PCMT1: variants seen among roughly 807,000 people sequenced by gnomAD.
PCMT1 encodes protein-L-isoaspartate(D-aspartate) O-methyltransferase.
Under a neutral mutation model 29.2 loss-of-function variants are expected in PCMT1, and 9 were observed. The ratio of observed to expected loss-of-function variants is 0.31; its 90% CI spans 0.19 to 0.54. The LOEUF (loss-of-function observed/expected upper bound fraction) is 0.54. PCMT1 is among the 20% of genes least tolerant of loss of function. The pLI is 0.95. For synonymous variants in PCMT1, 98 were observed against 97.5 expected (o/e 1.00, Z -0.03); for missense variants, 184 against 282.2 (o/e 0.65, Z 2.49).
At chr6:149,773,082 T>G in intron 2 of PCMT1, 56 bp from the exon 3 acceptor site, 13 of 1,343,018 alleles carry the variant, frequency 9.7e-6, no homozygotes, top group Non-Finnish European at 1.3e-5. Context: ...AGAAATTATG[T>G]GAAATAGTAT....
intron 3 of PCMT1, among the ~76,000 whole-genome samples, chr6:149,778,003 G>A (rs141393725): frequency 0.012 from 1,805 of 148,594 alleles, 14 homozygotes; most frequent in Middle Eastern, 0.041. Context: ...CAGCCTCTCA[G>A]ATAGCTGGGA....
In PCMT1 at chr6:149,796,156, A is replaced by T. The variant is rs1031276994; in HGVS notation, c.419-259A>T. 9 of 295,728 alleles carry T rather than the reference A, an allele frequency of 3.0e-5. No individual in the cohort carries two copies. In the Admixed American group the frequency reaches 4.5e-4, roughly 15 times the overall value. 18.3% of individuals were successfully genotyped at this position (295,728 alleles called of 1,614,324 possible). On this transcript the variant is annotated intron_variant, in intron 5 of 7. Transcript: ENST00000464889. ...CAAAAAAAAGAGTTGTGAGATAGGA[A>T]AATGAAGCGCTTTTCATTTACTAAA...
At chr6:149,809,582 A>C (rs558349425) in intron 7 of PCMT1, among the ~76,000 whole-genome samples, 1 of 152,276 alleles carries the variant, frequency 6.6e-6, no homozygotes, top group South Asian at 2.1e-4. Flanking sequence ...TTTAGTTTAA[A>C]AAAATTGTCC....
At chr6:149,765,839 A>C in intron 1 of PCMT1, 1 of 181,124 alleles carries the variant, frequency 5.5e-6, no homozygotes, top group South Asian at 1.0e-4. Context: ...GGCGGTGGGC[A>C]TCTGTAATCC....
At chr6:149,791,059 A>T (rs1301451408) in intron 4 of PCMT1, among the ~76,000 whole-genome samples, 1 of 152,130 alleles carries the variant, frequency 6.6e-6, no homozygotes, top group Non-Finnish European at 1.5e-5. Context: ...GGTCAGGCTT[A>T]GCCCCGACAA....
At chr6:149,807,590 C>CA (rs1259285201) in intron 7 of PCMT1, among the ~76,000 whole-genome samples, 1 of 152,120 alleles carries the variant, frequency 6.6e-6, no homozygotes, top group African/African-American at 2.4e-5. Context: ...AGGCTGGTCT[C>CA]AAACTCCTGA....
chr6:149,801,304 T>C (rs1338169711), intron 6 of PCMT1, among the ~76,000 whole-genome samples: 1 of 152,174 alleles, frequency 6.6e-6, no homozygotes, highest in African/African-American at 2.4e-5. Flanking sequence ...TGGAATAAAG[T>C]TGTGATTGCA....
At chr6:149,801,027 G>A (rs1034801434) in intron 6 of PCMT1, among the ~76,000 whole-genome samples, 3 of 152,194 alleles carry the variant, frequency 2.0e-5, no homozygotes, top group East Asian at 1.9e-4. Context: ...AGAGCTTGTC[G>A]TTTAATAGAG....
chr6:149,760,514 A>G (rs1019269022), intron 1 of PCMT1, among the ~76,000 whole-genome samples: 1 of 152,042 alleles, frequency 6.6e-6, no homozygotes, highest in African/African-American at 2.4e-5. Context: ...CTTCCAGCCA[A>G]TGGGGAGGTA....
chr6:149,802,622 T>TTA, intron 7 of PCMT1: 2 of 513,062 alleles, frequency 3.9e-6, no homozygotes, highest in Non-Finnish European at 5.1e-6. Context: ...TTTGTTTGTT[T>TTA]GTTTGTTTTT....
At position 149,762,734 on chromosome 6, in the gene PCMT1, GAT is replaced by G. The variant is rs1342988605; in HGVS notation, c.56-8417_56-8416del. Among the ~76,000 whole-genome samples, 9 of 32,754 alleles carry G rather than the reference GAT, an allele frequency of 2.7e-4. 2 individuals carry two copies. The highest frequency in any genetic ancestry group is 6.8e-4 in the African/African-American group (2 of 2,934). 21.5% of individuals were successfully genotyped at this position (32,754 alleles called of 152,430 possible). On this transcript the variant is annotated intron_variant, in intron 1 of 7. Transcript: ENST00000464889. Reference sequence around the variant, plus strand: ...ATATATCTATGATATATATATCTATGATATATATATATCTATGATATATATAC... The same window carrying G: ...ATATATCTATGATATATATATCTATGATATATATATCTATGATATATATAC...
intron 1 of PCMT1, among the ~76,000 whole-genome samples, chr6:149,763,837 A>G (rs144113622): frequency 1.6e-4 from 24 of 152,290 alleles, no homozygotes; most frequent in African/African-American, 5.3e-4. Flanking sequence ...ATCTTTATGT[A>G]AAAAATGGTT....
intron 6 of PCMT1, chr6:149,799,063 A>G (rs1039397973): frequency 6.6e-6 from 1 of 152,234 alleles, no homozygotes; most frequent in Non-Finnish European, 1.5e-5. Context: ...CACACTTCTC[A>G]GCAGTTTGGG....
intron 5 of PCMT1, chr6:149,795,207 A>G (rs929023872): frequency 2.8e-6 from 1 of 359,444 alleles, no homozygotes; most frequent in South Asian, 2.5e-5. Context: ...AAAAAAAAAA[A>G]GAAATGTTAA....
chr6:149,786,517 A>T (rs1253195701), intron 3 of PCMT1, among the ~76,000 whole-genome samples: 4 of 124,592 alleles, frequency 3.2e-5, no homozygotes, highest in Non-Finnish European at 4.7e-5. Flanking sequence ...CACTTCTCAG[A>T]CGGGGCGGCT....
intron 1 of PCMT1, 117 bp downstream of exon 1, chr6:149,750,073 C>A: frequency 7.3e-7 from 1 of 1,375,332 alleles, no homozygotes; most frequent in Non-Finnish European, 9.6e-7. Context: ...AGGGCTTCGG[C>A]GCAGAGTTGC....
chr6:149,796,528 G>GT, intron 6 of PCMT1, 28 bp downstream of exon 6: 1 of 1,524,874 alleles, frequency 6.6e-7, no homozygotes, highest in Non-Finnish European at 9.0e-7. Flanking sequence ...CTGTTTGTGT[G>GT]TTTTTATTCA....
chr6:149,806,022 A>G (rs1026903461), intron 7 of PCMT1, among the ~76,000 whole-genome samples: 1 of 151,256 alleles, frequency 6.6e-6, no homozygotes, highest in Admixed American at 6.6e-5. Context: ...TACCAGGAGG[A>G]CTTTCTAATT....
rs576161605 is a variant in PCMT1 at position 149,757,841 on chromosome 6, T to C, written c.55+7885T>C. On this transcript the variant is annotated intron_variant, in intron 1 of 7. Transcript: ENST00000464889. ...CAAATCCAAGATTCTGTGATTTTTT[T>C]CCCCAGTGGTCCCTTGTACCTAGAT... Among the ~76,000 whole-genome samples, 64 of 152,320 alleles carry C rather than the reference T, an allele frequency of 4.2e-4. No homozygotes were observed. The South Asian group carries it at 0.013, about 31-fold the overall frequency.
Sources: allele counts gnomAD v4.1 joint callset (sites outside exome capture counted in the v4.1 genomes callset), GRCh38; gene constraint gnomAD v4.1.1; transcripts MANE v1.5; gene names NCBI Gene and HGNC (gene_info 2026-07-23, HGNC 2026-07-21).